The following PYY variants were observed in gnomAD, a reference collection of about 807,000 sequenced individuals.
The protein encoded by PYY is peptide tyrosine tyrosine.
Under a neutral mutation model 10.3 loss-of-function variants are expected in PYY, and 12 were observed. The observed-to-expected ratio is 1.17, with a 90% CI of 0.75 to 1.89. The LOEUF is 1.89. PYY is among the 40% of genes most tolerant of loss of function. PYY has a pLI of 0.00. For missense variants in PYY, 141 were observed against 134.0 expected (o/e 1.05, Z -0.26); for synonymous variants, 66 against 62.0 (o/e 1.06, Z -0.30).
chr17:43,992,062 A>G (rs2048960556), intron 1 of PYY, among the ~76,000 whole-genome samples: 1 of 140,508 alleles, frequency 7.1e-6, no homozygotes, highest in African/African-American at 2.6e-5. Flanking sequence ...CGGAGCTTGC[A>G]GTGAGCCAAG....
intron 1 of PYY, among the ~76,000 whole-genome samples, chr17:43,991,548 C>T (rs1230566937): frequency 6.6e-6 from 1 of 152,202 alleles, no homozygotes; most frequent in Admixed American, 6.5e-5. Context: ...GTAGCAAATG[C>T]TTTTTTTCTT....
intron 1 of PYY, among the ~76,000 whole-genome samples, chr17:44,001,420 G>C (rs556248006): frequency 1.7e-4 from 26 of 152,200 alleles, no homozygotes; most frequent in Admixed American, 1.1e-3. Context: ...ATGTGAGCTG[G>C]ACCCATACAT....
chr17:43,978,296 A>G (rs1440207544), intron 1 of PYY, among the ~76,000 whole-genome samples: 1 of 140,124 alleles, frequency 7.1e-6, no homozygotes, highest in African/African-American at 2.8e-5. Context: ...GGAAGGAAGA[A>G]GGATGGAAGG....
chr17:43,990,605 A>C (rs138076778), intron 1 of PYY, among the ~76,000 whole-genome samples: 26 of 152,134 alleles, frequency 1.7e-4, no homozygotes, highest in Admixed American at 7.2e-4. Context: ...AATACATGCA[A>C]TCGGGAGATA....
At position 43,953,077 on chromosome 17, in the gene PYY, G is replaced by C. The variant is rs529745983; in HGVS notation, c.269+32C>G. 10 of 1,611,628 alleles carry C rather than the reference G, an allele frequency of 6.2e-6. No individual in the cohort carries two copies. The Admixed American group carries it at 1.5e-4, about 24-fold the overall frequency. On this transcript the variant is annotated intron_variant, in intron 3 of 3. Transcript: ENST00000692052. ...AGGGTAGGGCCAGGCCGCGCTCTCGGATGCAGGATGTGTGGTAACGGGCGC... is the reference window on the plus strand; with the variant it reads ...AGGGTAGGGCCAGGCCGCGCTCTCGCATGCAGGATGTGTGGTAACGGGCGC...
At chr17:44,003,828 A>AT (rs1163625483) in intron 1 of PYY, among the ~76,000 whole-genome samples, 14 of 151,180 alleles carry the variant, frequency 9.3e-5, no homozygotes, top group African/African-American at 1.9e-4. Flanking sequence ...AAAAAAAATA[A>AT]TTTTTTTTTA....
In PYY at chr17:43,952,822, C is replaced by G; in HGVS notation, c.*134G>C. The G allele has an allele frequency of 3.1e-6, 3 of 975,902 alleles. No homozygotes were observed. Among genetic ancestry groups the G allele is most frequent in the Non-Finnish European group, 4.4e-6 (3 of 677,632 alleles). 60.5% of individuals were successfully genotyped at this position (975,902 alleles called of 1,614,324 possible). Reference sequence around the variant, plus strand: ...CCCAGGGGGCGGGGGCACCGAGACGCGGGCGGAGGGCCGCACCCGAACCCT... The same window carrying G: ...CCCAGGGGGCGGGGGCACCGAGACGGGGGCGGAGGGCCGCACCCGAACCCT... On this transcript the variant is annotated 3_prime_UTR_variant, in exon 4 of 4. Coordinates refer to ENST00000692052, the MANE Select transcript of PYY (RefSeq NM_001394028.1).
intron 2 of PYY, among the ~76,000 whole-genome samples, chr17:43,960,248 T>C (rs1008968890): frequency 5.3e-5 from 8 of 152,022 alleles, no homozygotes; most frequent in African/African-American, 1.9e-4. Flanking sequence ...ATCTACATGG[T>C]TTAAGAATGT....
chr17:43,959,646 C>T (rs539976494), intron 2 of PYY, among the ~76,000 whole-genome samples: 12 of 152,182 alleles, frequency 7.9e-5, no homozygotes, highest in Non-Finnish European at 1.8e-4. Flanking sequence ...CGCTCCACAG[C>T]GCTCCAGCCT....
At position 43,953,169 on chromosome 17, in the gene PYY, G is replaced by A. The variant is rs770520813; in HGVS notation, c.209C>T (p.Pro70Leu). The A allele has an allele frequency of 8.7e-6, 14 of 1,613,912 alleles. No individual in the cohort carries two copies. The highest frequency in any genetic ancestry group is 1.7e-5 in the Admixed American group (1 of 60,014). Residue 70 changes from proline (P) to leucine (L), a missense_variant, in exon 3 of 4, where the codon CCG (proline) becomes CTG (leucine). Coordinates refer to ENST00000692052, the MANE Select transcript of PYY (RefSeq NM_001394028.1). ...TRQRYGKRDGPDTLLSKTFFP... is the reference protein window; with the variant it reads ...TRQRYGKRDGLDTLLSKTFFP... Reference sequence around the variant, plus strand: ...GAACGTTTTGGAAAGAAGCGTGTCCGGGCCGTCTCTTTTCCCATACCTGGG... The same window carrying A: ...GAACGTTTTGGAAAGAAGCGTGTCCAGGCCGTCTCTTTTCCCATACCTGGG...
intron 1 of PYY, among the ~76,000 whole-genome samples, chr17:43,993,147 C>T (rs1043489040): frequency 6.6e-6 from 1 of 152,054 alleles, no homozygotes; most frequent in Non-Finnish European, 1.5e-5. Flanking sequence ...AACCCTATCT[C>T]TACAAAAAAA....
At chr17:43,997,284 C>A (rs922491789) in intron 1 of PYY, among the ~76,000 whole-genome samples, 3 of 152,014 alleles carry the variant, frequency 2.0e-5, no homozygotes, top group African/African-American at 7.3e-5. Flanking sequence ...TGTGATCCAC[C>A]CGCCTTGGCC....
intron 1 of PYY, among the ~76,000 whole-genome samples, chr17:43,981,695 G>A (rs1413642317): frequency 3.9e-5 from 6 of 152,018 alleles, no homozygotes; most frequent in Non-Finnish European, 8.8e-5. Context: ...TCACCATGTT[G>A]GCCAGGTTGG....
chr17:43,979,334 T>C (rs1026785379), intron 1 of PYY, among the ~76,000 whole-genome samples: 10 of 152,224 alleles, frequency 6.6e-5, no homozygotes, highest in African/African-American at 2.4e-4. Context: ...TGAGAATCCC[T>C]GATTTAAGTC....
intron 1 of PYY, among the ~76,000 whole-genome samples, chr17:43,973,176 G>C (rs966765018): frequency 3.3e-5 from 5 of 152,090 alleles, no homozygotes; most frequent in African/African-American, 1.2e-4. Flanking sequence ...TTTCTAAAGT[G>C]CTTAGAACAG....
rs546873900 is a variant in PYY, at chr17:43,972,503, G to A, written c.-462-5971C>T. On this transcript the variant is annotated intron_variant, in intron 1 of 6. Transcript: ENST00000360085. ...AGCACTGGGATTACAGGCGTGAGCC[G>A]CCACACCCGGCCAACTTTATGTTAC... Among the ~76,000 whole-genome samples the A allele has an allele frequency of 2.1e-4, 31 of 149,472 alleles. 1 individual carries two copies. The highest frequency in any genetic ancestry group is 7.2e-3 in the Middle Eastern group (2 of 276).
intron 1 of PYY, among the ~76,000 whole-genome samples, chr17:43,969,908 A>G (rs968982619): frequency 6.6e-6 from 1 of 151,616 alleles, no homozygotes; most frequent in Non-Finnish European, 1.5e-5. Context: ...GCACCCGGCT[A>G]ATTTTTTGTA....
intron 1 of PYY, among the ~76,000 whole-genome samples, chr17:43,980,457 C>A (rs1434781302): frequency 1.3e-5 from 2 of 151,262 alleles, no homozygotes; most frequent in Non-Finnish European, 2.9e-5. Context: ...AGCCACCATG[C>A]CTGGACTTTT....
intron 1 of PYY, among the ~76,000 whole-genome samples, chr17:43,967,008 G>A (rs2048759513): frequency 6.6e-6 from 1 of 152,142 alleles, no homozygotes; most frequent in Non-Finnish European, 1.5e-5. Flanking sequence ...CTTCATCAAA[G>A]AAGAAAGCAA....
Sources: allele counts gnomAD v4.1 joint callset (sites outside exome capture counted in the v4.1 genomes callset), GRCh38; gene constraint gnomAD v4.1.1; transcripts MANE v1.5; gene names NCBI Gene and HGNC (gene_info 2026-07-23, HGNC 2026-07-21).